Variants in CCSER1 observed in about 807,000 individuals in gnomAD.
The protein encoded by CCSER1 is coiled-coil serine rich protein 1.
A neutral mutation model predicts 82.0 loss-of-function variants in CCSER1; 41 were observed. The observed-to-expected ratio is 0.50, with a 90% CI of 0.39 to 0.65. The LOEUF (loss-of-function observed/expected upper bound fraction) is 0.65. Ranked by LOEUF, CCSER1 falls within the 30% of genes least tolerant of loss-of-function variation. The pLI is 0.00. For synonymous variants in CCSER1, 414 were observed against 383.9 expected (o/e 1.08, Z -0.92); for missense variants, 1,119 against 1,064.2 (o/e 1.05, Z -0.72).
At chr4:90,956,402 C>G (rs922586944) in intron 9 of CCSER1, among the ~76,000 whole-genome samples, 25 of 152,034 alleles carry the variant, frequency 1.6e-4, no homozygotes, top group Admixed American at 1.6e-3. Flanking sequence ...AAATTAAATA[C>G]TATATATGAA....
intron 10 of CCSER1, among the ~76,000 whole-genome samples, chr4:91,525,290 A>G (rs1298700220): frequency 1.3e-5 from 2 of 152,108 alleles, no homozygotes; most frequent in Non-Finnish European, 2.9e-5. Flanking sequence ...GTGGGTTGGA[A>G]TTGCTGGAAG....
rs1731902541 is a variant in CCSER1, at chr4:90,666,951, TAACTC to T, written c.1932+38720_1932+38724del. ...GAGTATGGATTTACAAAGAAAATAA[TAACTC>T]TAATAATCTCTTGGAAATGGATATA... On this transcript the variant is annotated intron_variant, in intron 6 of 10. Coordinates refer to ENST00000509176, the MANE Select transcript of CCSER1 (RefSeq NM_001145065.2). Among the ~76,000 whole-genome samples, 3 of 152,278 alleles carry T rather than the reference TAACTC, an allele frequency of 2.0e-5. No individual in the cohort carries two copies. In the South Asian group the frequency reaches 6.2e-4, roughly 32 times the overall value.
chr4:90,348,540 A>G (rs2153509006), intron 3 of CCSER1, among the ~76,000 whole-genome samples: 1 of 152,248 alleles, frequency 6.6e-6, no homozygotes, highest in African/African-American at 2.4e-5. Flanking sequence ...ATTGTATTGC[A>G]CATAGTACTG....
At chr4:91,541,886 C>T (rs902382694) in intron 10 of CCSER1, among the ~76,000 whole-genome samples, 1 of 152,042 alleles carries the variant, frequency 6.6e-6, no homozygotes, top group Non-Finnish European at 1.5e-5. Flanking sequence ...CTCTCCAGCA[C>T]CTGTTGTTTC....
intron 6 of CCSER1, among the ~76,000 whole-genome samples, chr4:90,684,078 C>T (rs1363656931): frequency 6.6e-6 from 1 of 152,118 alleles, no homozygotes; most frequent in Non-Finnish European, 1.5e-5. Flanking sequence ...AACGGCCTCA[C>T]ATCACCTTTC....
chr4:90,673,762 T>G (rs1325357655), intron 6 of CCSER1, among the ~76,000 whole-genome samples: 1 of 151,954 alleles, frequency 6.6e-6, no homozygotes. Flanking sequence ...ACTTTGCTCT[T>G]TTATGTAGTC....
chr4:90,686,521 A>G (rs1433407311), intron 6 of CCSER1, among the ~76,000 whole-genome samples: 1 of 151,990 alleles, frequency 6.6e-6, no homozygotes, highest in East Asian at 1.9e-4. Context: ...CCAAATTTCC[A>G]AATTATTGAA....
intron 1 of CCSER1, among the ~76,000 whole-genome samples, chr4:90,263,764 G>A (rs1384721606): frequency 6.6e-6 from 1 of 152,110 alleles, no homozygotes. Context: ...GAGCTATAAA[G>A]CTCCCAAAAG....
intron 1 of CCSER1, among the ~76,000 whole-genome samples, chr4:90,253,839 C>T (rs1310646398): frequency 6.6e-6 from 1 of 152,096 alleles, no homozygotes; most frequent in Non-Finnish European, 1.5e-5. Context: ...TCTTTCTTCT[C>T]CCTATTAAAT....
At chr4:90,683,379 C>T (rs1401861081) in intron 6 of CCSER1, among the ~76,000 whole-genome samples, 1 of 151,982 alleles carries the variant, frequency 6.6e-6, no homozygotes, top group East Asian at 1.9e-4. Context: ...TTGCTACTAA[C>T]AGCAATCATA....
intron 10 of CCSER1, among the ~76,000 whole-genome samples, chr4:91,434,196 T>TG (rs1754502279): frequency 1.4e-5 from 2 of 142,838 alleles, no homozygotes; most frequent in Admixed American, 1.3e-4. Flanking sequence ...ACTTTTTGTT[T>TG]GTTTTTTTTT....
chr4:91,031,913 T>G (rs987077651), intron 9 of CCSER1, among the ~76,000 whole-genome samples: 3 of 152,254 alleles, frequency 2.0e-5, no homozygotes, highest in African/African-American at 7.2e-5. Context: ...CATATAGACA[T>G]TTTTTCCTAA....
chr4:90,851,143 G>A (rs1365922035), intron 8 of CCSER1, among the ~76,000 whole-genome samples: 1 of 152,176 alleles, frequency 6.6e-6, no homozygotes, highest in Non-Finnish European at 1.5e-5. Context: ...CCCTAGGCAT[G>A]TGAAACTGTG....
chr4:90,549,514 C>T (rs1384850582), intron 5 of CCSER1, among the ~76,000 whole-genome samples: 1 of 152,026 alleles, frequency 6.6e-6, no homozygotes, highest in African/African-American at 2.4e-5. Flanking sequence ...GGCTGTGAAA[C>T]TCAGGGCAAG....
intron 3 of CCSER1, among the ~76,000 whole-genome samples, chr4:90,387,557 CAT>C (rs1242168934): frequency 6.6e-6 from 1 of 152,166 alleles, no homozygotes; most frequent in Admixed American, 6.5e-5. Flanking sequence ...AAAGATCAAT[CAT>C]GTGATTTAGG....
chr4:90,745,739 G>T (rs576375101), intron 7 of CCSER1, among the ~76,000 whole-genome samples: 2 of 143,476 alleles, frequency 1.4e-5, no homozygotes, highest in African/African-American at 5.2e-5. Flanking sequence ...ACCCAGGCTG[G>T]AGTGCGGTGG....
At chr4:91,086,056 A>G in intron 10 of CCSER1, 62 bp downstream of exon 10, 1 of 967,952 alleles carries the variant, frequency 1.0e-6, no homozygotes, top group Non-Finnish European at 1.6e-6. Flanking sequence ...TGTTGCAGTG[A>G]TGTGGTGATG....
intron 10 of CCSER1, among the ~76,000 whole-genome samples, chr4:91,086,196 T>C (rs1014993982): frequency 2.6e-5 from 4 of 152,116 alleles, no homozygotes; most frequent in Non-Finnish European, 5.9e-5. Flanking sequence ...TTGTGCTTGT[T>C]CCTCTGAAGC....
intron 5 of CCSER1, among the ~76,000 whole-genome samples, chr4:90,495,568 T>C (rs1578800673): frequency 6.6e-6 from 1 of 152,180 alleles, no homozygotes; most frequent in South Asian, 2.1e-4. Context: ...TAAAATATAA[T>C]ACAATTAATT....
Sources: gnomAD v4.1 joint callset for allele counts (sites outside exome capture counted in the v4.1 genomes callset) on GRCh38, gnomAD v4.1.1 for gene constraint, MANE v1.5 for transcripts, NCBI Gene and HGNC (gene_info 2026-07-23, HGNC 2026-07-21) for gene names.